C5AR2: variants seen among roughly 807,000 people sequenced by gnomAD.
C5AR2 encodes C5a anaphylatoxin chemotactic receptor 2.
For synonymous variants in C5AR2, 224 were observed against 216.5 expected (o/e 1.03, Z -0.30); for missense variants, 458 against 467.5 (o/e 0.98, Z 0.19).
chr19:47,346,996 T>C lies in C5AR2; in HGVS notation c.*5183T>C. On this transcript the variant is annotated 3_prime_UTR_variant, in exon 2 of 2. Coordinates refer to ENST00000595464, the MANE Select transcript of C5AR2 (RefSeq NM_001271749.2). ...TTGTAGATCATTAGCCCTTCTTTTT[T>C]GAACTGGAATACATTTCACGGGAAT... The C allele has an allele frequency of 6.6e-6, 1 of 152,354 alleles. No individual in the cohort carries two copies. Among genetic ancestry groups the C allele is most frequent in the East Asian group, 1.9e-4 (1 of 5,190 alleles). 9.4% of individuals were successfully genotyped at this position (152,354 alleles called of 1,614,324 possible).
intron 1 of C5AR2, among the ~76,000 whole-genome samples, chr19:47,336,325 A>C (rs1472847668): frequency 3.9e-5 from 6 of 151,948 alleles, no homozygotes; most frequent in South Asian, 2.1e-4. Flanking sequence ...CCTGGCCTCA[A>C]GTGATCCGCC....
chr19:47,332,854 C>T (rs1017306615), intron 1 of C5AR2, among the ~76,000 whole-genome samples: 1 of 151,938 alleles, frequency 6.6e-6, no homozygotes. Flanking sequence ...GTGCCCTGCC[C>T]AAATGGTTTT....
chr19:47,341,769 A>G lies in C5AR2; in HGVS notation c.970A>G (p.Lys324Glu). The change falls in exon 2 of 2, where the codon AAG (lysine) becomes GAG (glutamate). Residue 324 changes from lysine (K) to glutamate (E), a missense_variant. By Grantham distance (56) the Lys-to-Glu change is moderately conservative. Transcript: ENST00000595464. The surrounding 1 kb of genome is among the most constrained non-coding windows in gnomAD (Gnocchi z 4.6). ...SQGQDESVDSKKSTSHDLVSE... is the reference protein window; with the variant it reads ...SQGQDESVDSEKSTSHDLVSE... The stretch of plus-strand genomic sequence containing the variant: ...GGGCCAGGACGAAAGTGTGGACAGC[A>G]AGAAATCCACCAGCCATGACCTGGT... The G allele has an allele frequency of 6.2e-7, 1 of 1,613,570 alleles. No individual in the cohort carries two copies.
At chr19:47,338,669 A>AATAATAAT (rs1385798120) in intron 1 of C5AR2, among the ~76,000 whole-genome samples, 1 of 145,928 alleles carries the variant, frequency 6.9e-6, no homozygotes, top group African/African-American at 2.5e-5. Context: ...TAATAATAAT[A>AATAATAAT]ATAATAATAA....
chr19:47,335,644 C>A (rs939778304), intron 1 of C5AR2, among the ~76,000 whole-genome samples: 1 of 150,702 alleles, frequency 6.6e-6, no homozygotes, highest in Non-Finnish European at 1.5e-5. Context: ...TGGTAGCGGG[C>A]GCCTGTAGTC....
chr19:47,335,691 G>A (rs776722364), intron 1 of C5AR2, among the ~76,000 whole-genome samples: 3 of 146,566 alleles, frequency 2.0e-5, no homozygotes, highest in African/African-American at 5.1e-5. Context: ...AGAATCATGC[G>A]AACCCGGGAG....
chr19:47,335,771 CAAAAAA>C (rs768761019), intron 1 of C5AR2, among the ~76,000 whole-genome samples: 2 of 23,028 alleles, frequency 8.7e-5, no homozygotes, highest in African/African-American at 4.2e-4. Context: ...TACTCCGTCT[CAAAAAA>C]AAAAAAAAAA....
chr19:47,334,155 G>C (rs184856425), intron 1 of C5AR2, among the ~76,000 whole-genome samples: 14 of 152,264 alleles, frequency 9.2e-5, no homozygotes, highest in Non-Finnish European at 1.8e-4. Context: ...TGTGGGATAT[G>C]AGGATGATAA....
chr19:47,341,465 C>T lies in C5AR2; in HGVS notation c.666C>T (p.Ala222=), dbSNP rs781472760. ...TGGCCGTGGCCAGCTGCCACAGTGCCCTCCTGTGCTGGGCAGCCCGACGCT... is the reference window on the plus strand; with the variant it reads ...TGGCCGTGGCCAGCTGCCACAGTGCTCTCCTGTGCTGGGCAGCCCGACGCT... ...PLVAVASCHS[A]LLCWAARRCR... Residue 222 remains alanine (A), a synonymous_variant, in exon 2 of 2, where the codon GCC becomes GCT. Coordinates refer to ENST00000595464, the MANE Select transcript of C5AR2 (RefSeq NM_001271749.2). The surrounding 1 kb of genome is among the most constrained non-coding windows in gnomAD (Gnocchi z 4.6). 6 of 1,612,040 alleles carry T rather than the reference C, an allele frequency of 3.7e-6. No individual in the cohort carries two copies. In the East Asian group the frequency reaches 8.9e-5, roughly 24 times the overall value.
intron 1 of C5AR2, among the ~76,000 whole-genome samples, chr19:47,335,943 G>C (rs946262600): frequency 6.6e-6 from 1 of 151,850 alleles, no homozygotes; most frequent in Admixed American, 6.6e-5. Flanking sequence ...TATACACTCA[G>C]CTCTACCCTT....
At chr19:47,337,946 C>T (rs538742169) in intron 1 of C5AR2, among the ~76,000 whole-genome samples, 8 of 151,198 alleles carry the variant, frequency 5.3e-5, no homozygotes, top group Admixed American at 2.6e-4. Flanking sequence ...TGGTGGTGCA[C>T]GCCTGTAATC....
intron 1 of C5AR2, among the ~76,000 whole-genome samples, chr19:47,338,585 A>G (rs4488570): frequency 0.99 from 147,078 of 148,726 alleles, 72,739 homozygotes; most frequent in East Asian, 1. Context: ...AGAGGCTGAG[A>G]CAAGGCAGGT....
chr19:47,341,993 C>A lies in C5AR2; in HGVS notation c.*180C>A. ...TAGGCACTAGAGATATAGCAGTGAC[C>A]AAAACAGACACAAATCCTGCCCTCA... On this transcript the variant is annotated 3_prime_UTR_variant, in exon 2 of 2. Transcript: ENST00000595464. The surrounding 1 kb of genome is among the most constrained non-coding windows in gnomAD (Gnocchi z 4.6). 1.6e-6 allele frequency: 1 copy of A among 616,502 alleles called. No individual in the cohort carries two copies. The highest frequency in any genetic ancestry group is 2.9e-6 in the Non-Finnish European group (1 of 345,338). The allele number at this position is 616,502 out of a possible 1,614,324, so 38.2% of individuals were successfully genotyped here.
chr19:47,338,520 T>A (rs1322879075), intron 1 of C5AR2, among the ~76,000 whole-genome samples: 3 of 149,688 alleles, frequency 2.0e-5, no homozygotes, highest in Admixed American at 6.7e-5. Context: ...ATAATTTTAT[T>A]ATTATTATTA....
In C5AR2 at chr19:47,342,070, T is replaced by C. The variant is rs1969048367; in HGVS notation, c.*257T>C. 4.5e-6 allele frequency: 2 copies of C among 445,556 alleles called. No homozygotes were observed. The highest frequency in any genetic ancestry group is 3.0e-5 in the South Asian group (1 of 33,620). The allele number at this position is 445,556 out of a possible 1,614,324, so 27.6% of individuals were successfully genotyped here. ...AAGACAGACTATAAACAAAGATATA[T>C]AGGGCCATTTGCGGTGGCTCACGCC... On this transcript the variant is annotated 3_prime_UTR_variant, in exon 2 of 2. Transcript: ENST00000595464.
rs752215226 is a variant in C5AR2 at position 47,341,793 on chromosome 19, G to C, written c.994G>C (p.Val332Leu). 1 of 1,613,604 alleles carries C rather than the reference G, an allele frequency of 6.2e-7. No individual in the cohort carries two copies. Among genetic ancestry groups the C allele is most frequent in the Non-Finnish European group, 8.5e-7 (1 of 1,179,928 alleles). The change falls in exon 2 of 2, where the codon GTC (valine) becomes CTC (leucine). Residue 332 changes from valine (V) to leucine (L), a missense_variant. Physicochemically the swap from Val to Leu is conservative, Grantham distance 32. Transcript: ENST00000595464. The surrounding 1 kb of genome is among the most constrained non-coding windows in gnomAD (Gnocchi z 4.6). Reference sequence around the variant, plus strand: ...CAAGAAATCCACCAGCCATGACCTGGTCTCGGAGATGGAGGTGTAGGCTGG... The same window carrying C: ...CAAGAAATCCACCAGCCATGACCTGCTCTCGGAGATGGAGGTGTAGGCTGG... ...DSKKSTSHDLVSEMEV is the reference protein window; with the variant it reads ...DSKKSTSHDLLSEMEV
chr19:47,337,472 G>A, intron 1 of C5AR2, among the ~76,000 whole-genome samples: 1 of 151,808 alleles, frequency 6.6e-6, no homozygotes, highest in Non-Finnish European at 1.5e-5. Context: ...GACCAGCCTG[G>A]CCAATATGAT....
In C5AR2 at chr19:47,341,233, T is replaced by G. The variant is rs139773527; in HGVS notation, c.434T>G (p.Val145Gly). 2.4e-5 allele frequency: 39 copies of G among 1,601,808 alleles called. No individual in the cohort carries two copies. Among genetic ancestry groups the G allele is most frequent in the Admixed American group, 1.3e-4 (8 of 59,978 alleles). Residue 145 changes from valine to glycine, a missense_variant, in exon 2 of 2, where the codon GTT (valine) becomes GGT (glycine). Transcript: ENST00000595464. The surrounding 1 kb of genome is among the most constrained non-coding windows in gnomAD (Gnocchi z 4.6). ...LALGPAWWST[V>G]QRACGVQVAC... ...CTCGGGCCTGCCTGGTGGTCTACGG[T>G]TCAGCGGGCGTGCGGGGTGCAGGTG... is the stretch of plus-strand genomic sequence containing the variant.
intron 1 of C5AR2, among the ~76,000 whole-genome samples, chr19:47,335,852 A>C (rs975157781): frequency 7.9e-6 from 1 of 125,934 alleles, no homozygotes; most frequent in African/African-American, 3.0e-5. Flanking sequence ...GGAAGGGTGG[A>C]GTCTTTGCGG....
Sources: gnomAD v4.1 joint callset for allele counts (sites outside exome capture counted in the v4.1 genomes callset) on GRCh38, gnomAD v4.1.1 for gene constraint, Gnocchi (gnomAD v3.1) non-coding constraint, MANE v1.5 for transcripts, NCBI Gene and HGNC (gene_info 2026-07-23, HGNC 2026-07-21) for gene names.